Variants in ZNF454 observed in about 807,000 individuals in gnomAD.
The protein encoded by ZNF454 is zinc finger protein 454.
Under a neutral mutation model 48.2 loss-of-function variants are expected in ZNF454, and 30 were observed. That is an observed-to-expected ratio of 0.62 (90% CI 0.47 to 0.84). The LOEUF (loss-of-function observed/expected upper bound fraction) is 0.84, where lower values mean the gene tolerates loss of function less well. ZNF454 is among the 40% of genes least tolerant of loss of function. The pLI is 0.00. For missense variants in ZNF454, 510 were observed against 623.1 expected (o/e 0.82, Z 1.93); for synonymous variants, 204 against 211.4 (o/e 0.97, Z 0.30).
chr5:178,942,834 G>T lies in ZNF454; in HGVS notation c.33+10G>T, dbSNP rs1343071455. 1.2e-6 allele frequency: 2 copies of T among 1,611,098 alleles called. No individual in the cohort carries two copies. The highest frequency in any genetic ancestry group is 2.7e-5 in the African/African-American group (2 of 74,892). On this transcript the variant is annotated intron_variant, in intron 2 of 4. Transcript: ENST00000519564. The stretch of plus-strand genomic sequence containing the variant: ...GCCAACCATGGTCCAGGTGAGTGGG[G>T]GTTTCTTCCCCCTAAATTGCTTTCT...
At chr5:178,981,635 A>C in the ZNF454 span, 6 of 1,583,146 alleles carry the variant, frequency 3.8e-6, no homozygotes. The surrounding 1 kb of genome is among the most constrained non-coding windows in gnomAD (Gnocchi z 5.1). Flanking sequence ...GGCAGCAAGC[A>C]GTCCCGTTCC....
the ZNF454 span, among the ~76,000 whole-genome samples, chr5:178,973,005 A>C: frequency 2.0e-5 from 3 of 151,578 alleles, no homozygotes; most frequent in Admixed American, 6.6e-5. Flanking sequence ...AAAAAAAAAA[A>C]AAAACCCAGA....
intron 4 of ZNF454, among the ~76,000 whole-genome samples, chr5:178,960,421 C>T (rs140368412): frequency 2.6e-3 from 392 of 151,784 alleles, no homozygotes; most frequent in African/African-American, 9.0e-3. Flanking sequence ...CCACGCCCGG[C>T]TAATTTTGTA....
intron 4 of ZNF454, among the ~76,000 whole-genome samples, chr5:178,958,541 C>T (rs140334921): frequency 1.9e-3 from 293 of 152,278 alleles, no homozygotes; most frequent in African/African-American, 6.8e-3. Context: ...CGAATAGTAC[C>T]ATTATGAACA....
At position 178,965,457 on chromosome 5, in the gene ZNF454, T is replaced by G; in HGVS notation, c.1053T>G (p.Thr351=). Residue 351 remains threonine (T), a synonymous_variant, in exon 5 of 5, where the codon ACT becomes ACG. Transcript: ENST00000519564. This position sits in a 1 kb window ranked among gnomAD's most constrained non-coding sequence, Gnocchi z 5.2. ...TCCTTCAGCATCAGAGAATTCACACTGGAGAGAAACCCTTTGAATGTAATG... is the reference window on the plus strand; with the variant it reads ...TCCTTCAGCATCAGAGAATTCACACGGGAGAGAAACCCTTTGAATGTAATG... ...TSFLQHQRIH[T]GEKPFECNEC... is the part of the protein sequence containing the mutation. 6.2e-7 allele frequency: 1 copy of G among 1,614,132 alleles called. No homozygotes were observed. Among genetic ancestry groups the G allele is most frequent in the Non-Finnish European group, 8.5e-7 (1 of 1,180,010 alleles).
At chr5:178,982,232 C>T in the ZNF454 span, among the ~76,000 whole-genome samples, 3 of 152,110 alleles carry the variant, frequency 2.0e-5, no homozygotes, top group Admixed American at 6.5e-5. Flanking sequence ...CTGCCGCATA[C>T]GTGAATAAAT....
downstream of ZNF454, among the ~76,000 whole-genome samples, chr5:178,966,965 G>A (rs963916148): frequency 6.6e-6 from 1 of 152,198 alleles, no homozygotes; most frequent in African/African-American, 2.4e-5. Flanking sequence ...CCTATGGGGA[G>A]TGTGGTGGTC....
chr5:178,969,252 TGCCCCA>T (rs1470222471), downstream of ZNF454: 3 of 360,780 alleles, frequency 8.3e-6, no homozygotes, highest in Non-Finnish European at 1.6e-5. Flanking sequence ...CATTCTCACC[TGCCCCA>T]GCTCAACCCC....
the ZNF454 span, among the ~76,000 whole-genome samples, chr5:178,983,989 A>G: frequency 6.6e-6 from 1 of 152,236 alleles, no homozygotes; most frequent in Non-Finnish European, 1.5e-5. Context: ...GAGCAGGGCC[A>G]TGTGATCCTG....
chr5:178,941,307 A>C lies in ZNF454; in HGVS notation c.-245A>C. ...AAGAGCGACACGGGGCTGACCAGGC[A>C]CGGTGGTCAAAGCCGCAGAGGGAGA... On this transcript the variant is annotated 5_prime_UTR_variant, in exon 1 of 5. Transcript: ENST00000519564. This position sits in a 1 kb window ranked among gnomAD's most constrained non-coding sequence, Gnocchi z 5.5. The C allele has an allele frequency of 2.2e-6, 1 of 445,354 alleles. No individual in the cohort carries two copies. The highest frequency in any genetic ancestry group is 4.5e-6 in the Non-Finnish European group (1 of 220,378). 27.6% of individuals were successfully genotyped at this position (445,354 alleles called of 1,614,324 possible).
chr5:178,941,344 C>A lies in ZNF454; in HGVS notation c.-208C>A. 1 of 454,216 alleles carries A rather than the reference C, an allele frequency of 2.2e-6. No individual in the cohort carries two copies. Among genetic ancestry groups the A allele is most frequent in the Non-Finnish European group, 4.4e-6 (1 of 225,658 alleles). The allele number at this position is 454,216 out of a possible 1,614,324, so 28.1% of individuals were successfully genotyped here. A position where few individuals can be genotyped will look rare whatever the true frequency, so the allele number is the denominator to read the frequency against. The stretch of plus-strand genomic sequence containing the variant: ...GCCGCAGAGGGAGAGCGGGAGCGGT[C>A]GTGAGGTCGTCTGGGGAGAAGGGCG... On this transcript the variant is annotated 5_prime_UTR_variant, in exon 1 of 5. Transcript: ENST00000519564. The surrounding 1 kb of genome is among the most constrained non-coding windows in gnomAD (Gnocchi z 5.5).
At chr5:178,988,747 G>A in the ZNF454 span, among the ~76,000 whole-genome samples, 1 of 152,266 alleles carries the variant, frequency 6.6e-6, no homozygotes, top group African/African-American at 2.4e-5. The surrounding 1 kb of genome is among the most constrained non-coding windows in gnomAD (Gnocchi z 6.0). Context: ...CTGAAGCCTG[G>A]GGAGGGAGCA....
chr5:178,981,424 A>ATC, the ZNF454 span: 1 of 489,296 alleles, frequency 2.0e-6, no homozygotes, highest in Non-Finnish European at 3.7e-6. This position sits in a 1 kb window ranked among gnomAD's most constrained non-coding sequence, Gnocchi z 5.1. Flanking sequence ...GCTGTTTCCC[A>ATC]CCATGGGAAG....
chr5:178,971,719 G>C, the ZNF454 span, among the ~76,000 whole-genome samples: 1 of 151,612 alleles, frequency 6.6e-6, no homozygotes, highest in African/African-American at 2.4e-5. Flanking sequence ...AGCCGGGTGT[G>C]GTGGCGGGCG....
chr5:178,983,054 C>A, the ZNF454 span: 8 of 1,614,120 alleles, frequency 5.0e-6, no homozygotes, highest in South Asian at 3.3e-5. Flanking sequence ...ACACTGTGCA[C>A]GTGACCATGA....
At chr5:178,981,848 T>A in the ZNF454 span, 2 of 1,608,360 alleles carry the variant, frequency 1.2e-6, no homozygotes, top group Non-Finnish European at 1.7e-6. This position sits in a 1 kb window ranked among gnomAD's most constrained non-coding sequence, Gnocchi z 5.1. Flanking sequence ...GTTGTCTGGA[T>A]GTAGATCTAG....
chr5:178,985,404 T>TAAAAA, the ZNF454 span: 7 of 316,634 alleles, frequency 2.2e-5, no homozygotes, highest in South Asian at 4.8e-5. Context: ...CCTGTGGCCT[T>TAAAAA]AAAAAAAAAA....
chr5:178,949,608 T>C (rs1426611647), intron 4 of ZNF454, among the ~76,000 whole-genome samples: 2 of 151,772 alleles, frequency 1.3e-5, no homozygotes, highest in Non-Finnish European at 2.9e-5. Context: ...TTTCATTTCC[T>C]TTTTTTTGTT....
At chr5:178,953,667 C>T (rs1330612394) in intron 4 of ZNF454, among the ~76,000 whole-genome samples, 4 of 152,156 alleles carry the variant, frequency 2.6e-5, no homozygotes, top group South Asian at 2.1e-4. Context: ...GTCTTTTTTA[C>T]TCCCTGACAC....
Sources: gnomAD v4.1 joint callset for allele counts (sites outside exome capture counted in the v4.1 genomes callset) on GRCh38, gnomAD v4.1.1 for gene constraint, Gnocchi (gnomAD v3.1) non-coding constraint, MANE v1.5 for transcripts, NCBI Gene and HGNC (gene_info 2026-07-23, HGNC 2026-07-21) for gene names.